MALRD1: variants seen among roughly 807,000 people sequenced by gnomAD.
MALRD1 encodes MAM and LDL receptor class A domain containing 1.
A neutral mutation model predicts 242.1 loss-of-function variants in MALRD1; 247 were observed. The ratio of observed to expected loss-of-function variants is 1.02; its 90% CI spans 0.92 to 1.13. MALRD1 has a LOEUF of 1.13. MALRD1 is among the 50% of genes most tolerant of loss of function. MALRD1 has a pLI of 0.00. For synonymous variants in MALRD1, 995 were observed against 866.6 expected, an observed-to-expected ratio of 1.15 and a Z score of -2.60; for missense variants, 2,989 against 2,533.1, an observed-to-expected ratio of 1.18 and a Z score of -3.86.
At chr10:19,235,803 A>C (rs1306027167) in intron 18 of MALRD1, among the ~76,000 whole-genome samples, 1 of 152,000 alleles carries the variant, frequency 6.6e-6, no homozygotes, top group Non-Finnish European at 1.5e-5. Flanking sequence ...CATTAGTTGA[A>C]ATTTTGAAGT....
chr10:19,340,005 C>A (rs1843775114), intron 24 of MALRD1, among the ~76,000 whole-genome samples: 1 of 152,176 alleles, frequency 6.6e-6, no homozygotes. Context: ...CATCAGATCT[C>A]CTGAGAACTC....
chr10:19,135,314 C>A (rs1833294415), intron 9 of MALRD1, among the ~76,000 whole-genome samples: 1 of 151,994 alleles, frequency 6.6e-6, no homozygotes, highest in South Asian at 2.1e-4. Flanking sequence ...GCCACCATGC[C>A]CAGCTAATTT....
chr10:19,696,185 C>T (rs189863009), intron 38 of MALRD1, among the ~76,000 whole-genome samples: 2 of 152,236 alleles, frequency 1.3e-5, no homozygotes, highest in Non-Finnish European at 2.9e-5. Flanking sequence ...ACTCAGAGAC[C>T]CTGCCAATCA....
At chr10:19,098,148 C>A (rs1436257406) in intron 4 of MALRD1, among the ~76,000 whole-genome samples, 1 of 152,086 alleles carries the variant, frequency 6.6e-6, no homozygotes, top group African/African-American at 2.4e-5. Context: ...TGTTGTTGTT[C>A]TTGAAGGACG....
chr10:19,733,968 G>T (rs2131950275), intron 39 of MALRD1, among the ~76,000 whole-genome samples, 189 bp from the exon 40 acceptor site: 1 of 152,164 alleles, frequency 6.6e-6, no homozygotes. Context: ...AGGATACATG[G>T]AATCTAGGCT....
At chr10:19,650,922 A>C (rs1180296941) in intron 36 of MALRD1, among the ~76,000 whole-genome samples, 9 of 152,184 alleles carry the variant, frequency 5.9e-5, no homozygotes, top group African/African-American at 2.2e-4. Flanking sequence ...TCCTGACAGC[A>C]GGAGAGTGTA....
intron 14 of MALRD1, among the ~76,000 whole-genome samples, chr10:19,197,854 C>T (rs1486514312): frequency 6.6e-6 from 1 of 152,130 alleles, no homozygotes; most frequent in African/African-American, 2.4e-5. Context: ...TCCATGAGGA[C>T]AGAGGTTTTC....
At chr10:19,064,945 C>A (rs1237906570) in intron 1 of MALRD1, among the ~76,000 whole-genome samples, 1 of 151,774 alleles carries the variant, frequency 6.6e-6, no homozygotes, top group Non-Finnish European at 1.5e-5. Flanking sequence ...TATTTACGTG[C>A]AAATTAAGGA....
At chr10:19,529,253 C>T (rs1834231835) in intron 31 of MALRD1, among the ~76,000 whole-genome samples, 2 of 151,956 alleles carry the variant, frequency 1.3e-5, no homozygotes, top group African/African-American at 4.8e-5. Flanking sequence ...ATAGAAATGC[C>T]CAATTATATT....
chr10:19,417,067 C>T (rs1040173167), intron 28 of MALRD1, among the ~76,000 whole-genome samples: 2 of 152,168 alleles, frequency 1.3e-5, no homozygotes, highest in African/African-American at 4.8e-5. Flanking sequence ...GGATACCATA[C>T]CTCCTTGGTT....
chr10:19,640,812 A>G (rs1164583224), intron 36 of MALRD1, among the ~76,000 whole-genome samples: 1 of 152,174 alleles, frequency 6.6e-6, no homozygotes, highest in Non-Finnish European at 1.5e-5. Flanking sequence ...ACACAGCAAA[A>G]TAGCTGAAAT....
At chr10:19,328,068 A>G (rs1214568156) in intron 23 of MALRD1, among the ~76,000 whole-genome samples, 1 of 152,166 alleles carries the variant, frequency 6.6e-6, no homozygotes, top group Non-Finnish European at 1.5e-5. Flanking sequence ...AAACATTATT[A>G]TAGGGAATAG....
chr10:19,657,087 A>G (rs1841191134), intron 36 of MALRD1, among the ~76,000 whole-genome samples: 1 of 152,148 alleles, frequency 6.6e-6, no homozygotes, highest in African/African-American at 2.4e-5. Flanking sequence ...TCTATAGATC[A>G]CAGCTGCTAT....
intron 28 of MALRD1, among the ~76,000 whole-genome samples, chr10:19,449,543 C>G (rs942172509): frequency 6.6e-6 from 1 of 151,962 alleles, no homozygotes; most frequent in Non-Finnish European, 1.5e-5. Flanking sequence ...GTGAGATAAA[C>G]TATGTCATAG....
chr10:19,156,748 T>C (rs1276040330), intron 12 of MALRD1, among the ~76,000 whole-genome samples: 8 of 152,182 alleles, frequency 5.3e-5, no homozygotes, highest in Admixed American at 3.9e-4. Context: ...CCCATCATTG[T>C]ATGCTTCCTG....
chr10:19,413,978 AC>A (rs1419127295), intron 28 of MALRD1, among the ~76,000 whole-genome samples: 3 of 150,622 alleles, frequency 2.0e-5, no homozygotes, highest in East Asian at 1.9e-4. Flanking sequence ...AAAAAAAAAA[AC>A]AATGATTTTT....
rs1294241676 is a variant in MALRD1, at chr10:19,420,916, A to G, written c.4846-29391A>G. On this transcript the variant is annotated intron_variant, in intron 28 of 39. Transcript: ENST00000454679. ...GGTGCATTTCATTTTTTATGGAAAC[A>G]GGGCTACTTGTCTCTTTTGAGTTGC... Among the ~76,000 whole-genome samples the G allele has an allele frequency of 2.6e-5, 4 of 152,172 alleles. No homozygotes were observed. In the East Asian group the frequency reaches 7.7e-4, roughly 29 times the overall value.
intron 32 of MALRD1, among the ~76,000 whole-genome samples, chr10:19,547,187 T>C (rs555940086): frequency 6.6e-6 from 1 of 152,306 alleles, no homozygotes; most frequent in East Asian, 1.9e-4. Flanking sequence ...TATTTCTAAT[T>C]ACTTGGTCTC....
chr10:19,468,449 T>G (rs1472263117), intron 29 of MALRD1, among the ~76,000 whole-genome samples: 1 of 152,212 alleles, frequency 6.6e-6, no homozygotes, highest in African/African-American at 2.4e-5. Context: ...CACTCATTAA[T>G]GTTTTACTCT....
Sources: gnomAD v4.1 joint callset for allele counts (sites outside exome capture counted in the v4.1 genomes callset) on GRCh38, gnomAD v4.1.1 for gene constraint, MANE v1.5 for transcripts, NCBI Gene and HGNC (gene_info 2026-07-23, HGNC 2026-07-21) for gene names.